MMUT: variants seen among roughly 807,000 people sequenced by gnomAD.
MMUT encodes methylmalonyl-CoA mutase, also known as methylmalonyl-CoA mutase, mitochondrial.
A neutral mutation model predicts 79.9 loss-of-function variants in MMUT; 79 were observed. That is an observed-to-expected ratio of 0.99 (90% CI 0.82 to 1.19). The LOEUF (loss-of-function observed/expected upper bound fraction) is 1.19. Among genes scored for constraint, MMUT ranks in the 50% most tolerant of loss-of-function variants. The pLI is 0.00. For synonymous variants in MMUT, 273 were observed against 295.7 expected (o/e 0.92, Z 0.79); for missense variants, 860 against 917.2 (o/e 0.94, Z 0.81).
chr6:49,461,173 C>T (rs1206527322), intron 1 of MMUT, among the ~76,000 whole-genome samples: 3 of 152,108 alleles, frequency 2.0e-5, no homozygotes, highest in African/African-American at 7.2e-5. Flanking sequence ...AGAATGGTTA[C>T]TTAATGGTTG....
At chr6:49,438,109 C>T (rs74526266) in intron 11 of MMUT, among the ~76,000 whole-genome samples, 5 of 151,526 alleles carry the variant, frequency 3.3e-5, no homozygotes, top group South Asian at 2.1e-4. Flanking sequence ...ATTGTAACCT[C>T]GAGGACAAAA....
chr6:49,462,694 T>C (rs1767885330), intron 1 of MMUT, among the ~76,000 whole-genome samples: 2 of 152,090 alleles, frequency 1.3e-5, no homozygotes, highest in African/African-American at 4.8e-5. Context: ...CGAAAACTCT[T>C]AGAAAAACCC....
At chr6:49,432,246 C>T (rs573725550) in intron 12 of MMUT, among the ~76,000 whole-genome samples, 2 of 152,168 alleles carry the variant, frequency 1.3e-5, no homozygotes, top group Non-Finnish European at 2.9e-5. Context: ...AAACTATTTT[C>T]TCCTAGGTAT....
chr6:49,457,400 A>T (rs189386871), intron 3 of MMUT, among the ~76,000 whole-genome samples: 1 of 152,212 alleles, frequency 6.6e-6, no homozygotes, highest in African/African-American at 2.4e-5. Context: ...TCACAACTGC[A>T]TCTGAATTTC....
At chr6:49,444,793 G>T in intron 8 of MMUT, 39 bp from the exon 9 acceptor site, 1 of 1,503,958 alleles carries the variant, frequency 6.6e-7, no homozygotes, top group South Asian at 1.1e-5. Flanking sequence ...TTTACATGAA[G>T]AGAGAATAAA....
chr6:49,448,987 T>C, intron 6 of MMUT, 60 bp from the exon 7 acceptor site: 1 of 1,092,062 alleles, frequency 9.2e-7, no homozygotes. Context: ...GTAAACTATA[T>C]AAATTTGTTA....
chr6:49,452,557 T>C (rs1160183485), intron 5 of MMUT, among the ~76,000 whole-genome samples: 1 of 152,078 alleles, frequency 6.6e-6, no homozygotes, highest in Admixed American at 6.6e-5. Flanking sequence ...ATGATCTTGA[T>C]CTCCTGACCT....
intron 3 of MMUT, among the ~76,000 whole-genome samples, chr6:49,457,479 G>A (rs561380782): frequency 1.3e-5 from 2 of 152,234 alleles, no homozygotes; most frequent in Admixed American, 1.3e-4. Flanking sequence ...TAAATTTTAG[G>A]AATAAAGAAA....
Position 49,459,438 on chromosome 6 carries a change from A to G in MMUT, c.29T>C (p.Leu10Ser). 1 of 1,613,130 alleles carries G rather than the reference A, an allele frequency of 6.2e-7. No homozygotes were observed. The highest frequency in any genetic ancestry group is 8.5e-7 in the Non-Finnish European group (1 of 1,179,946). ...CTGCCTCAGGTAATGAGGTGAAAGT[A>G]AAAAAAGCTGATTCTTAGCTCTTAA... Reference protein sequence around the residue: MLRAKNQLFLLSPHYLRQVK... With the variant: MLRAKNQLFSLSPHYLRQVK... The change falls in exon 2 of 13, where the codon TTA becomes TCA. Residue 10 changes from leucine (L) to serine (S), a missense_variant. Coordinates refer to ENST00000274813, the MANE Select transcript of MMUT (RefSeq NM_000255.4).
At chr6:49,449,772 C>T (rs904556012) in intron 6 of MMUT, among the ~76,000 whole-genome samples, 3 of 151,958 alleles carry the variant, frequency 2.0e-5, no homozygotes, top group African/African-American at 7.2e-5. Flanking sequence ...GGATTCTGTA[C>T]TAATGAAACA....
At chr6:49,455,652 CATT>C (rs1767666367) in intron 4 of MMUT, among the ~76,000 whole-genome samples, 1 of 151,984 alleles carries the variant, frequency 6.6e-6, no homozygotes. Flanking sequence ...TTTCATACAA[CATT>C]ATTAAGAAAC....
At chr6:49,451,931 T>G (rs186312168) in intron 5 of MMUT, among the ~76,000 whole-genome samples, 1 of 152,216 alleles carries the variant, frequency 6.6e-6, no homozygotes, top group Non-Finnish European at 1.5e-5. Context: ...TCCTCTGAAA[T>G]ATCAGATATT....
rs949473945 is a variant in MMUT at position 49,433,674 on chromosome 6, A to G, written c.2124+1782T>C. Among the ~76,000 whole-genome samples, 8 of 152,290 alleles carry G rather than the reference A, an allele frequency of 5.3e-5. No homozygotes were observed. The South Asian group carries it at 1.7e-3, about 32-fold the overall frequency. On this transcript the variant is annotated intron_variant, in intron 12 of 12. Transcript: ENST00000274813. ...ATACTGATGAGGAGAGACCACGTTT[A>G]TTCATTTAATCAGACTGCAGAAACT...
intron 9 of MMUT, among the ~76,000 whole-genome samples, chr6:49,444,351 A>G (rs958356312): frequency 6.6e-6 from 1 of 152,150 alleles, no homozygotes; most frequent in Non-Finnish European, 1.5e-5. Flanking sequence ...GATATACTTG[A>G]GAGTCCAACA....
In MMUT at chr6:49,457,802, A is replaced by C. The variant is rs1358054789; in HGVS notation, c.642T>G (p.Thr214=). The C allele has an allele frequency of 1.2e-6, 2 of 1,613,482 alleles. No individual in the cohort carries two copies. The highest frequency in any genetic ancestry group is 2.7e-5 in the African/African-American group (2 of 74,928). The change falls in exon 3 of 13, where the codon ACT becomes ACG. Residue 214 remains threonine, a synonymous_variant. Coordinates refer to ENST00000274813, the MANE Select transcript of MMUT (RefSeq NM_000255.4). ...EEQGVPKEKL[T]GTIQNDILKE... Reference sequence around the variant, plus strand: ...TTAGTATATCATTTTGGATGGTACCAGTAAGCTTCTCTTTAGGTACACCTT... The same window carrying C: ...TTAGTATATCATTTTGGATGGTACCCGTAAGCTTCTCTTTAGGTACACCTT...
rs1285413655 is a variant in MMUT, at chr6:49,457,692, T to G, written c.752A>C (p.Lys251Thr). ...ACCTATAATAACCACAAAGTATACC[T>G]TTGCTGTATATTCAAATATGTCAGC... is the stretch of plus-strand genomic sequence containing the variant. ...IIADIFEYTAKHMPKFNSISI... is the reference protein window; with the variant it reads ...IIADIFEYTATHMPKFNSISI... Residue 251 changes from lysine to threonine, a missense_variant and splice_region_variant, in exon 3 of 13, where the codon AAG becomes ACG. Transcript: ENST00000274813. The G allele has an allele frequency of 3.7e-6, 6 of 1,609,430 alleles. No individual in the cohort carries two copies. Among genetic ancestry groups the G allele is most frequent in the Non-Finnish European group, 5.1e-6 (6 of 1,178,310 alleles).
chr6:49,448,960 G>T (rs1297922051), intron 6 of MMUT, 33 bp from the exon 7 acceptor site: 5 of 1,389,752 alleles, frequency 3.6e-6, no homozygotes, highest in Non-Finnish European at 5.1e-6. Context: ...AACTAAAAGA[G>T]AATATTAAAA....
rs543817674 is a variant in MMUT, at chr6:49,450,814, G to A, written c.1332+652C>T. On this transcript the variant is annotated intron_variant, in intron 6 of 12. Transcript: ENST00000274813. The stretch of plus-strand genomic sequence containing the variant: ...GATTCAAGATTCAGAATTAAACAGA[G>A]GAGAAATGAAAATATATTCCTACTA... Among the ~76,000 whole-genome samples the A allele has an allele frequency of 8.5e-5, 13 of 152,190 alleles. No individual in the cohort carries two copies. In the South Asian group the frequency reaches 2.7e-3, roughly 32 times the overall value.
At chr6:49,443,941 G>A (rs980349435) in intron 9 of MMUT, 3 of 269,986 alleles carry the variant, frequency 1.1e-5, no homozygotes, top group African/African-American at 4.6e-5. Flanking sequence ...AGAAGGAAGA[G>A]GTGGTCAATA....
Sources: allele counts gnomAD v4.1 joint callset (sites outside exome capture counted in the v4.1 genomes callset), GRCh38; gene constraint gnomAD v4.1.1; transcripts MANE v1.5; gene names NCBI Gene and HGNC (gene_info 2026-07-23, HGNC 2026-07-21).